The following EWSR1 variants were observed in gnomAD, a reference collection of about 807,000 sequenced individuals.
EWSR1 encodes the protein EWS RNA binding protein 1, also known as RNA-binding protein EWS.
Under a neutral mutation model 92.1 loss-of-function variants are expected in EWSR1, and 14 were observed. That is an observed-to-expected ratio of 0.15 (90% CI 0.10 to 0.24). The LOEUF is 0.24. Ranked by LOEUF, EWSR1 falls within the 10% of genes least tolerant of loss-of-function variation. The pLI, the probability that EWSR1 is intolerant of heterozygous loss-of-function variation, is 1.00. For synonymous variants in EWSR1, 303 were observed against 292.9 expected (o/e 1.03, Z -0.35); for missense variants, 637 against 870.9 (o/e 0.73, Z 3.38).
intron 13 of EWSR1, among the ~76,000 whole-genome samples, chr22:29,298,243 C>T (rs915496473): frequency 2.0e-5 from 3 of 152,114 alleles, no homozygotes; most frequent in South Asian, 4.1e-4. Context: ...CAGTGGCTCA[C>T]GCCTGTAATC....
At chr22:29,271,154 A>G (rs1447817989) in intron 1 of EWSR1, among the ~76,000 whole-genome samples, 3 of 152,200 alleles carry the variant, frequency 2.0e-5, no homozygotes, top group African/African-American at 7.2e-5. Flanking sequence ...CTGATTGGAA[A>G]ATAAAGGACC....
At chr22:29,278,405 G>A (rs2059286306) in intron 5 of EWSR1, among the ~76,000 whole-genome samples, 189 bp downstream of exon 5, 1 of 152,204 alleles carries the variant, frequency 6.6e-6, no homozygotes, top group African/African-American at 2.4e-5. Flanking sequence ...CAGTGAAATT[G>A]GCTGGGCGCG....
chr22:29,299,807 G>A lies in EWSR1; in HGVS notation c.1887G>A (p.Met629Ile). 6.3e-7 allele frequency: 1 copy of A among 1,575,520 alleles called. No homozygotes were observed. Among genetic ancestry groups the A allele is most frequent in the Non-Finnish European group, 8.6e-7 (1 of 1,158,520 alleles). The change falls in exon 16 of 17, where the codon ATG becomes ATA. Residue 629 changes from methionine to isoleucine, a missense_variant. Transcript: ENST00000397938. ...CCCCTGGACCTTTGATGGAACAGAT[G>A]GGAGGAAGAAGAGGAGGACGTGGAG... ...GGPPGPLMEQ[M>I]GGRRGGRGGP...
intron 12 of EWSR1, among the ~76,000 whole-genome samples, 160 bp from the exon 13 acceptor site, chr22:29,297,667 T>C (rs567034788): frequency 4.9e-4 from 74 of 152,080 alleles, no homozygotes; most frequent in African/African-American, 1.7e-3. Flanking sequence ...AGAGTGAGAC[T>C]CCCATCTCAA....
intron 4 of EWSR1, chr22:29,277,758 A>G (rs984231158): frequency 9.7e-6 from 4 of 410,664 alleles, no homozygotes; most frequent in Admixed American, 4.1e-5. Context: ...GAGGGGGCAG[A>G]AGGAACCCTG....
intron 1 of EWSR1, among the ~76,000 whole-genome samples, chr22:29,269,854 G>C (rs142646759): frequency 6.6e-6 from 1 of 152,220 alleles, no homozygotes; most frequent in Non-Finnish European, 1.5e-5. Flanking sequence ...GTGGCTGGAC[G>C]TGCCTTTTTT....
intron 10 of EWSR1, 86 bp from the exon 11 acceptor site, chr22:29,292,402 A>G: frequency 1.0e-6 from 1 of 989,488 alleles, no homozygotes; most frequent in Non-Finnish European, 1.6e-6. Context: ...ATTTATGATG[A>G]ATATCCTTGG....
intron 11 of EWSR1, among the ~76,000 whole-genome samples, chr22:29,293,331 C>T (rs999938035): frequency 6.6e-6 from 1 of 152,146 alleles, no homozygotes; most frequent in African/African-American, 2.4e-5. Context: ...TGTCTTTATG[C>T]TAATTCTTCA....
intron 6 of EWSR1, among the ~76,000 whole-genome samples, chr22:29,286,686 CAAAAAAAAAA>C (rs373796997): frequency 5.6e-4 from 43 of 76,352 alleles, no homozygotes; most frequent in African/African-American, 1.7e-3. Context: ...CACTCTGTCT[CAAAAAAAAAA>C]AAAAAAAAAA....
chr22:29,288,197 A>C (rs983981508), intron 7 of EWSR1, among the ~76,000 whole-genome samples: 4 of 152,164 alleles, frequency 2.6e-5, no homozygotes, highest in African/African-American at 9.7e-5. Context: ...CAACAACTCA[A>C]AGGAGTAGTG....
intron 13 of EWSR1, 101 bp downstream of exon 13, chr22:29,298,050 TAG>T (rs2061005492): frequency 7.7e-7 from 1 of 1,304,264 alleles, no homozygotes; most frequent in South Asian, 1.4e-5. Context: ...AAATTGTGTG[TAG>T]AGTCAATACT....
At chr22:29,288,890 C>T (rs1016697892) in intron 8 of EWSR1, 104 bp downstream of exon 8, 30 of 1,131,598 alleles carry the variant, frequency 2.7e-5, no homozygotes, top group Non-Finnish European at 3.3e-5. Context: ...TCTGCATTTC[C>T]ATGGACAATC....
chr22:29,295,901 C>G, intron 11 of EWSR1: 2 of 289,728 alleles, frequency 6.9e-6, no homozygotes, highest in South Asian at 6.9e-5. Flanking sequence ...GTGGTGGTAT[C>G]AAAGTCTGAC....
chr22:29,268,384 A>G (rs201087527), intron 1 of EWSR1, 35 bp downstream of exon 1: 493 of 1,613,858 alleles, frequency 3.1e-4, no homozygotes, highest in South Asian at 4.3e-4. Context: ...CGCCGGCGGT[A>G]GCCGGAACGC....
chr22:29,276,443 T>G (rs1289120026), intron 4 of EWSR1: 3 of 221,558 alleles, frequency 1.4e-5, no homozygotes, highest in Non-Finnish European at 2.7e-5. Flanking sequence ...CCTTTTAATA[T>G]TTGAGGTAGA....
At chr22:29,299,137 T>G (rs2061130780) in intron 14 of EWSR1, 97 bp from the exon 15 acceptor site, 6 of 1,605,314 alleles carry the variant, frequency 3.7e-6, no homozygotes, top group Non-Finnish European at 4.3e-6. Context: ...ACATAGATCC[T>G]CTTGATAGTG....
chr22:29,295,715 G>C, intron 11 of EWSR1: 1 of 217,064 alleles, frequency 4.6e-6, no homozygotes, highest in East Asian at 6.5e-5. Context: ...ATACAAGGTA[G>C]CTCCTGAATT....
intron 1 of EWSR1, 144 bp from the exon 2 acceptor site, chr22:29,272,072 T>TA: frequency 1.5e-6 from 1 of 687,182 alleles, no homozygotes; most frequent in Non-Finnish European, 2.5e-6. Context: ...TGTTGAGAGG[T>TA]AAGGGGGACT....
chr22:29,286,250 A>G (rs1024037598), intron 6 of EWSR1, among the ~76,000 whole-genome samples: 5 of 151,908 alleles, frequency 3.3e-5, no homozygotes, highest in East Asian at 3.9e-4. Context: ...TCCCGGGTTC[A>G]TGCCATTCCC....
Sources: gnomAD v4.1 joint callset for allele counts (sites outside exome capture counted in the v4.1 genomes callset) on GRCh38, gnomAD v4.1.1 for gene constraint, MANE v1.5 for transcripts, NCBI Gene and HGNC (gene_info 2026-07-23, HGNC 2026-07-21) for gene names.